WEE1: variants seen among roughly 807,000 people sequenced by gnomAD.
WEE1 encodes WEE1 G2 checkpoint kinase.
Under a neutral mutation model 68.8 loss-of-function variants are expected in WEE1, and 16 were observed. The observed-to-expected ratio is 0.23, with a 90% CI of 0.16 to 0.35. WEE1 has a LOEUF of 0.35. Ranked by LOEUF, WEE1 falls within the 10% of genes least tolerant of loss-of-function variation. The pLI is 1.00. For missense variants in WEE1, 651 were observed against 824.1 expected (o/e 0.79, Z 2.57); for synonymous variants, 349 against 318.7 (o/e 1.09, Z -1.01).
At chr11:9,586,957 TGGTTTTTTG>T in intron 10 of WEE1, 101 bp downstream of exon 10, 1 of 1,350,016 alleles carries the variant, frequency 7.4e-7, no homozygotes, top group Non-Finnish European at 9.9e-7. Flanking sequence ...AAGGATGTAG[TGGTTTTTTG>T]TGTTTTTTGT....
In WEE1 at chr11:9,589,358, A is replaced by G. The variant is rs983817548; in HGVS notation, c.*756A>G. 7.1e-6 allele frequency: 7 copies of G among 984,660 alleles called. No individual in the cohort carries two copies. The highest frequency in any genetic ancestry group is 5.3e-5 in the African/African-American group (3 of 56,988). 61.0% of individuals were successfully genotyped at this position (984,660 alleles called of 1,614,324 possible). On this transcript the variant is annotated 3_prime_UTR_variant, in exon 11 of 11. Transcript: ENST00000450114. ...CTCCTTTGGAATGCTGTATTAATGT[A>G]GTATAATAATTACTGGTTTTGTAAC...
intron 10 of WEE1, 52 bp downstream of exon 10, chr11:9,586,908 C>T (rs1849706165): frequency 6.5e-7 from 1 of 1,532,798 alleles, no homozygotes; most frequent in African/African-American, 1.4e-5. Context: ...CTTTAATTCT[C>T]AAATTTTAAT....
chr11:9,588,118 G>T (rs1400647829), intron 10 of WEE1, among the ~76,000 whole-genome samples: 1 of 152,058 alleles, frequency 6.6e-6, no homozygotes, highest in Non-Finnish European at 1.5e-5. Context: ...GGGCCCAAGC[G>T]ATCCTCCAGC....
At chr11:9,580,110 A>G (rs966926820) in intron 5 of WEE1, 1 of 152,244 alleles carries the variant, frequency 6.6e-6, no homozygotes, top group African/African-American at 2.4e-5. Flanking sequence ...AATTATAACT[A>G]TACTAAAATA....
At chr11:9,575,147 A>G (rs1393740684) in intron 1 of WEE1, 2 of 985,438 alleles carry the variant, frequency 2.0e-6, no homozygotes, top group Non-Finnish European at 2.4e-6. Flanking sequence ...ATTTGTTTTT[A>G]TCGTGGGTTT....
chr11:9,588,623 C>A lies in WEE1; in HGVS notation c.*21C>A. The A allele has an allele frequency of 6.6e-7, 1 of 1,510,558 alleles. No individual in the cohort carries two copies. 93.6% of individuals were successfully genotyped at this position (1,510,558 alleles called of 1,614,324 possible). On this transcript the variant is annotated 3_prime_UTR_variant, in exon 11 of 11. Coordinates refer to ENST00000450114, the MANE Select transcript of WEE1 (RefSeq NM_003390.4). ...ACTGAGCTACTCCTTTCCCACCTCC[C>A]CCTGAACACTGTGACAAGAGGAAGC...
At chr11:9,581,749 A>G (rs1254811586) in intron 6 of WEE1, 71 bp downstream of exon 6, 4 of 1,424,872 alleles carry the variant, frequency 2.8e-6, no homozygotes, top group Non-Finnish European at 3.8e-6. Context: ...TTATGACAAC[A>G]TTGAAAAAAT....
chr11:9,575,316 TC>T (rs1040123799), intron 1 of WEE1: 3 of 987,722 alleles, frequency 3.0e-6, no homozygotes, highest in Non-Finnish European at 3.6e-6. Context: ...AGCTGATACT[TC>T]CAGAGATTAA....
At chr11:9,581,911 C>T (rs1473963067) in intron 6 of WEE1, among the ~76,000 whole-genome samples, 4 of 152,192 alleles carry the variant, frequency 2.6e-5, no homozygotes, top group African/African-American at 4.8e-5. Context: ...TGGCCCAGGC[C>T]GGAATGCAGT....
Position 9,589,149 on chromosome 11 carries a change from T to A in WEE1, c.*547T>A, listed in dbSNP as rs1315753750. On this transcript the variant is annotated 3_prime_UTR_variant, in exon 11 of 11. Transcript: ENST00000450114. ...TGGAGGTATTGCCTTGTGAATTTGC[T>A]GCTATTTTAGTTTTGTCTTTGCTGT... The A allele has an allele frequency of 9.1e-6, 9 of 985,794 alleles. No homozygotes were observed. Among genetic ancestry groups the A allele is most frequent in the African/African-American group, 1.7e-5 (1 of 57,258 alleles). The allele number at this position is 985,794 out of a possible 1,614,324, so 61.1% of individuals were successfully genotyped here.
chr11:9,578,681 A>G (rs1849589803), intron 5 of WEE1: 1 of 152,086 alleles, frequency 6.6e-6, no homozygotes. Context: ...TTCTCTTAAC[A>G]GAATAGTTCA....
chr11:9,577,498 G>T, intron 5 of WEE1: 2 of 458,908 alleles, frequency 4.4e-6, no homozygotes, highest in South Asian at 2.4e-5. Context: ...CGCTCCAACT[G>T]AGCTTTTTGA....
At position 9,574,909 on chromosome 11, in the gene WEE1, G is replaced by A. The variant is rs1046826085; in HGVS notation, c.576+400G>A. On this transcript the variant is annotated intron_variant, in intron 1 of 10. Transcript: ENST00000450114. This position sits in a 1 kb window ranked among gnomAD's most constrained non-coding sequence, Gnocchi z 4.9. ...GATGCCTTTTAAACGCGGCGATCGG[G>A]CCTGTAATTTGGGCGGCGCGGGCAG... is the stretch of plus-strand genomic sequence containing the variant. 6.1e-6 allele frequency: 6 copies of A among 985,458 alleles called. No homozygotes were observed. The highest frequency in any genetic ancestry group is 7.2e-6 in the Non-Finnish European group (6 of 830,278). 61.0% of individuals were successfully genotyped at this position (985,458 alleles called of 1,614,324 possible). A position where few individuals can be genotyped will look rare whatever the true frequency, so the allele number is the denominator to read the frequency against.
At chr11:9,575,433 T>C in intron 1 of WEE1, 1 of 998,304 alleles carries the variant, frequency 1.0e-6, no homozygotes, top group Non-Finnish European at 1.2e-6. Flanking sequence ...ATCTGTGTGC[T>C]TTCGAGCTGT....
chr11:9,574,485 C>A lies in WEE1; in HGVS notation c.552C>A (p.Leu184=). 8.0e-7 allele frequency: 1 copy of A among 1,257,410 alleles called. No homozygotes were observed. The highest frequency in any genetic ancestry group is 1.0e-6 in the Non-Finnish European group (1 of 1,002,172). 77.9% of individuals were successfully genotyped at this position (1,257,410 alleles called of 1,614,324 possible). ...ACAAGACCTTCCGCAAGCTGCGACT[C>A]TTCGACACCCCGCACACGCCCAAGG... is the stretch of plus-strand genomic sequence containing the variant. ...PPHKTFRKLR[L]FDTPHTPKSL... Residue 184 remains leucine (L), a synonymous_variant, in exon 1 of 11, where the codon CTC becomes CTA. Coordinates refer to ENST00000450114, the MANE Select transcript of WEE1 (RefSeq NM_003390.4). This position sits in a 1 kb window ranked among gnomAD's most constrained non-coding sequence, Gnocchi z 4.9.
chr11:9,579,472 C>G (rs1290222135), intron 5 of WEE1: 1 of 152,150 alleles, frequency 6.6e-6, no homozygotes, highest in African/African-American at 2.4e-5. Context: ...GCATTATAAG[C>G]CTTTTATCTT....
intron 5 of WEE1, chr11:9,577,944 C>CT: frequency 2.2e-6 from 1 of 454,174 alleles, no homozygotes; most frequent in Non-Finnish European, 4.4e-6. Flanking sequence ...TATTAAAAAC[C>CT]TTTACCAAAG....
rs1480506197 is a variant in WEE1, at chr11:9,576,327, T to G, written c.846+34T>G. On this transcript the variant is annotated intron_variant, in intron 3 of 10. Coordinates refer to ENST00000450114, the MANE Select transcript of WEE1 (RefSeq NM_003390.4). The surrounding 1 kb of genome is among the most constrained non-coding windows in gnomAD (Gnocchi z 4.3). ...CTTTTTATTTTTATTTTTTTGAAAT[T>G]TACTTTTCTGCCACTTAAAGCATGC... The G allele has an allele frequency of 2.6e-6, 4 of 1,529,880 alleles. No individual in the cohort carries two copies. The Admixed American group carries it at 6.2e-5, about 24-fold the overall frequency. 94.8% of individuals were successfully genotyped at this position (1,529,880 alleles called of 1,614,324 possible).
Position 9,574,139 on chromosome 11 carries a change from C to T in WEE1, c.206C>T (p.Thr69Met). 1 of 1,204,202 alleles carries T rather than the reference C, an allele frequency of 8.3e-7. No homozygotes were observed. Among genetic ancestry groups the T allele is most frequent in the South Asian group, 3.9e-5 (1 of 25,676 alleles). The allele number at this position is 1,204,202 out of a possible 1,614,324, so 74.6% of individuals were successfully genotyped here. The change falls in exon 1 of 11, where the codon ACG (threonine) becomes ATG (methionine). Residue 69 changes from threonine (T) to methionine (M), a missense_variant. By Grantham distance (81) the Thr-to-Met change is moderately conservative (BLOSUM62 -1). Coordinates refer to ENST00000450114, the MANE Select transcript of WEE1 (RefSeq NM_003390.4). The surrounding 1 kb of genome is among the most constrained non-coding windows in gnomAD (Gnocchi z 4.9). Reference sequence around the variant, plus strand: ...CCGCTGCCGCCCGCGCGGAGCCCCACGGAGCCCGGGCCCGAGCGCCGCCGC... The same window carrying T: ...CCGCTGCCGCCCGCGCGGAGCCCCATGGAGCCCGGGCCCGAGCGCCGCCGC... ...DSPLPPARSPTEPGPERRRSP... is the reference protein window; with the variant it reads ...DSPLPPARSPMEPGPERRRSP...
Sources: allele counts gnomAD v4.1 joint callset (sites outside exome capture counted in the v4.1 genomes callset), GRCh38; gene constraint gnomAD v4.1.1; non-coding constraint Gnocchi (gnomAD v3.1); transcripts MANE v1.5; gene names NCBI Gene and HGNC (gene_info 2026-07-23, HGNC 2026-07-21).